Variants in CECR2 observed in about 807,000 individuals in gnomAD.
The protein encoded by CECR2 is chromatin remodeling regulator CECR2.
Under a neutral mutation model 154.5 loss-of-function variants are expected in CECR2, and 30 were observed. The ratio of observed to expected loss-of-function variants is 0.19; its 90% CI spans 0.15 to 0.26. The LOEUF is 0.26. CECR2 is among the 10% of genes least tolerant of loss of function. The pLI is 1.00. For missense variants in CECR2, 1,743 were observed against 1,829.3 expected (o/e 0.95, Z 0.86); for synonymous variants, 725 against 683.7 (o/e 1.06, Z -0.94).
chr22:17,404,952 A>G (rs1440081473), intron 1 of CECR2, among the ~76,000 whole-genome samples: 1 of 152,126 alleles, frequency 6.6e-6, no homozygotes, highest in East Asian at 1.9e-4. Context: ...TCTTAACACT[A>G]TTGAGTCTTC....
At chr22:17,389,377 A>G (rs2063301553) in intron 1 of CECR2, among the ~76,000 whole-genome samples, 1 of 152,170 alleles carries the variant, frequency 6.6e-6, no homozygotes, top group African/African-American at 2.4e-5. Context: ...CTAGCTAGGC[A>G]TCTCTAGCTG....
At chr22:17,470,818 CCTAA>C (rs544009918) in intron 1 of CECR2, among the ~76,000 whole-genome samples, 5 of 152,148 alleles carry the variant, frequency 3.3e-5, no homozygotes, top group Non-Finnish European at 5.9e-5. Context: ...AGTCTCTCTC[CCTAA>C]CTAACAGTGT....
intron 1 of CECR2, among the ~76,000 whole-genome samples, chr22:17,442,943 C>T (rs539214702): frequency 8.1e-4 from 123 of 152,284 alleles, no homozygotes; most frequent in African/African-American, 2.8e-3. Context: ...TGGCATTTTG[C>T]ATTTGCAGTT....
Position 17,548,252 on chromosome 22 carries a change from T to C in CECR2, c.2965T>C (p.Cys989Arg). 2 of 1,603,656 alleles carry C rather than the reference T, an allele frequency of 1.2e-6. No homozygotes were observed. Among genetic ancestry groups the C allele is most frequent in the Non-Finnish European group, 1.7e-6 (2 of 1,175,130 alleles). ...PHPTPPLQTDCTRQSSPQERE... is the reference protein window; with the variant it reads ...PHPTPPLQTDRTRQSSPQERE... ...CCCCACACCTCCCCTGCAGACTGAC[T>C]GCACCAGGCAGAGCTCACCACAAGA... The change falls in exon 17 of 19, where the codon TGC (cysteine) becomes CGC (arginine). Residue 989 changes from cysteine (C) to arginine (R), a missense_variant. By Grantham distance (180) the Cys-to-Arg change is radical. Around this residue, in one of 4 missense-constraint regions of CECR2, gnomAD observed 1,250 missense variants for 1,192.1 expected, o/e 1.05. Coordinates refer to ENST00000262608, the MANE Select transcript of CECR2 (RefSeq NM_001290047.2).
At position 17,548,824 on chromosome 22, in the gene CECR2, A is replaced by G; in HGVS notation, c.3537A>G (p.Pro1179=). The change falls in exon 17 of 19, where the codon CCA becomes CCG. Residue 1179 remains proline (P), a synonymous_variant. Transcript: ENST00000262608. The stretch of plus-strand genomic sequence containing the variant: ...GAGGCTTTCCCCGGTATCGCCCCCC[A>G]CAAGGAATGAGGTATTCCTACCACC... ...HSGGFPRYRP[P]QGMRYSYHPP... 1 of 1,613,702 alleles carries G rather than the reference A, an allele frequency of 6.2e-7. No individual in the cohort carries two copies. The highest frequency in any genetic ancestry group is 8.5e-7 in the Non-Finnish European group (1 of 1,179,824).
chr22:17,423,808 C>T (rs2054292336), intron 1 of CECR2, among the ~76,000 whole-genome samples: 1 of 152,090 alleles, frequency 6.6e-6, no homozygotes, highest in African/African-American at 2.4e-5. Context: ...CTGTGATTTG[C>T]CTTGTGACGT....
upstream of CECR2, among the ~76,000 whole-genome samples, chr22:17,368,053 TAGA>T (rs2063012175): frequency 6.6e-6 from 1 of 152,150 alleles, no homozygotes; most frequent in Non-Finnish European, 1.5e-5. Context: ...AGACCCTTGT[TAGA>T]AGATGATGTA....
intron 7 of CECR2, among the ~76,000 whole-genome samples, chr22:17,508,836 G>C (rs934216792): frequency 1.3e-5 from 2 of 152,208 alleles, no homozygotes; most frequent in Admixed American, 6.5e-5. Flanking sequence ...TTAATAGCGA[G>C]AAGTAAAAGC....
At position 17,555,260 on chromosome 22, in the gene CECR2, A is replaced by G. The variant is rs1248630398; in HGVS notation, c.*2420A>G. ...AAGTCAGTAAATCCCTTTATCCTTA[A>G]TCTCCCTTCTTGGTTTTCGACAGAA... On this transcript the variant is annotated 3_prime_UTR_variant, in exon 19 of 19. Coordinates refer to ENST00000262608, the MANE Select transcript of CECR2 (RefSeq NM_001290047.2). The G allele has an allele frequency of 6.6e-6, 1 of 152,188 alleles. No homozygotes were observed. The highest frequency in any genetic ancestry group is 1.5e-5 in the Non-Finnish European group (1 of 68,052). The allele number at this position is 152,188 out of a possible 1,614,324, so 9.4% of individuals were successfully genotyped here.
chr22:17,405,408 G>A (rs62239260), intron 1 of CECR2, among the ~76,000 whole-genome samples: 19,720 of 149,682 alleles, frequency 0.13, 1,453 homozygotes, highest in Non-Finnish European at 0.17. Context: ...GCGAAACTCC[G>A]TCTCAAATAA....
At chr22:17,362,872 A>T (rs1317280736) in intron 1 of CECR2, among the ~76,000 whole-genome samples, 1 of 142,040 alleles carries the variant, frequency 7.0e-6, no homozygotes, top group South Asian at 2.3e-4. Context: ...ACTGAACTCT[A>T]GCCTGGGCGA....
chr22:17,517,166 C>T (rs1288864124), intron 8 of CECR2, among the ~76,000 whole-genome samples: 4 of 152,206 alleles, frequency 2.6e-5, no homozygotes, highest in Admixed American at 6.5e-5. Context: ...CGTGAGCCAC[C>T]GCGCCTGGCC....
At chr22:17,526,808 C>CAAAAAAAAA (rs34800488) in intron 9 of CECR2, among the ~76,000 whole-genome samples, 1 of 71,672 alleles carries the variant, frequency 1.4e-5, no homozygotes, top group Non-Finnish European at 2.4e-5. Flanking sequence ...GACTCCATCT[C>CAAAAAAAAA]AAAAAAAAAA....
At chr22:17,544,691 TC>T (rs1442121916) in intron 16 of CECR2, among the ~76,000 whole-genome samples, 1 of 149,520 alleles carries the variant, frequency 6.7e-6, no homozygotes, top group African/African-American at 2.5e-5. Context: ...GTGCCTGTAG[TC>T]CCAGCTACTC....
chr22:17,462,187 G>A (rs12628307), intron 1 of CECR2, among the ~76,000 whole-genome samples: 40 of 151,654 alleles, frequency 2.6e-4, no homozygotes, highest in African/African-American at 8.9e-4. Flanking sequence ...GGCGGATCAC[G>A]AGGTCAGGAG....
chr22:17,391,248 A>C (rs2063322769), intron 1 of CECR2, among the ~76,000 whole-genome samples: 1 of 152,246 alleles, frequency 6.6e-6, no homozygotes, highest in Non-Finnish European at 1.5e-5. Context: ...AGTGTCTTTT[A>C]TAGATGTACC....
rs761860257 is a variant in CECR2, at chr22:17,542,137, CT to C, written c.2014-19del. ...CTTATTCTGTGAGTCTGTAACTGTG[CT>C]GCCTTTTCTCGTTGCCAGCCTCCAG... is the stretch of plus-strand genomic sequence containing the variant. On this transcript the variant is annotated intron_variant, in intron 15 of 18. Coordinates refer to ENST00000262608, the MANE Select transcript of CECR2 (RefSeq NM_001290047.2). 1 of 1,603,628 alleles carries C rather than the reference CT, an allele frequency of 6.2e-7. No homozygotes were observed. The highest frequency in any genetic ancestry group is 1.1e-5 in the South Asian group (1 of 90,128).
intron 1 of CECR2, among the ~76,000 whole-genome samples, chr22:17,373,996 C>G: frequency 6.6e-6 from 1 of 152,196 alleles, no homozygotes; most frequent in East Asian, 1.9e-4. Flanking sequence ...GCCAAATGCG[C>G]TGTACAGTAA....
chr22:17,542,625 G>T lies in CECR2; in HGVS notation c.2482G>T (p.Gly828Cys), dbSNP rs1276575213. Reference sequence around the variant, plus strand: ...CCCCAACCAGTGGACTGAACAATCAGGCTTCCTACCTCATGGAGTTCCTTC... The same window carrying T: ...CCCCAACCAGTGGACTGAACAATCATGCTTCCTACCTCATGGAGTTCCTTC... ...VPPNQWTEQSGFLPHGVPSSG... is the reference protein window; with the variant it reads ...VPPNQWTEQSCFLPHGVPSSG... Residue 828 changes from glycine (G) to cysteine (C), a missense_variant, in exon 16 of 19, where the codon GGC becomes TGC. Gly to Cys is a radical substitution (Grantham distance 159). This residue lies in a region of CECR2 where 1,250 missense variants were observed against 1,192.1 expected (regional missense o/e 1.05). Coordinates refer to ENST00000262608, the MANE Select transcript of CECR2 (RefSeq NM_001290047.2). 2 of 1,613,976 alleles carry T rather than the reference G, an allele frequency of 1.2e-6. No individual in the cohort carries two copies.
Sources: allele counts gnomAD v4.1 joint callset (sites outside exome capture counted in the v4.1 genomes callset), GRCh38; gene constraint gnomAD v4.1.1; regional missense constraint gnomAD v4.1.1; transcripts MANE v1.5; gene names NCBI Gene and HGNC (gene_info 2026-07-23, HGNC 2026-07-21).